DDO: variants seen among roughly 807,000 people sequenced by gnomAD.
The protein encoded by DDO is D-aspartate oxidase, DDO.
Under a neutral mutation model 16.8 loss-of-function variants are expected in DDO, and 16 were observed. The observed-to-expected ratio is 0.95, with a 90% CI of 0.65 to 1.45. DDO has a LOEUF of 1.45. Among genes scored for constraint, DDO ranks in the 40% most tolerant of loss-of-function variants. The pLI is 0.00. For missense variants in DDO, 429 were observed against 420.3 expected, an observed-to-expected ratio of 1.02 and a Z score of -0.18; for synonymous variants, 180 against 167.2, an observed-to-expected ratio of 1.08 and a Z score of -0.59.
chr6:110,400,346 G>GGGA (rs1244107952), intron 4 of DDO, among the ~76,000 whole-genome samples: 5 of 150,144 alleles, frequency 3.3e-5, no homozygotes, highest in Non-Finnish European at 5.9e-5. Flanking sequence ...AGCGGGCCGG[G>GGGA]GCGGGGACTG....
intron 4 of DDO, among the ~76,000 whole-genome samples, chr6:110,402,403 G>A (rs1582480504): frequency 6.6e-6 from 1 of 152,310 alleles, no homozygotes; most frequent in African/African-American, 2.4e-5. Flanking sequence ...GGTGGCTCAT[G>A]TCTGTAATCC....
Position 110,392,988 on chromosome 6 carries a change from G to A in DDO, c.813C>T (p.Ile271=). ...AGGGCCTCAAGCCCACCTTCTCCCT[G>A]ATGTTGCAGGCTCCGTGGAGGGAGG... ...LEPSLHGACN[I]REKVGLRPYR... The change falls in exon 5 of 5, where the codon ATC becomes ATT. Residue 271 remains isoleucine, a synonymous_variant. Transcript: ENST00000368924. The A allele has an allele frequency of 1.2e-6, 2 of 1,612,138 alleles. No individual in the cohort carries two copies. The highest frequency in any genetic ancestry group is 1.7e-6 in the Non-Finnish European group (2 of 1,178,300).
At chr6:110,413,917 G>T (rs536299169) in intron 1 of DDO, among the ~76,000 whole-genome samples, 35 of 152,214 alleles carry the variant, frequency 2.3e-4, no homozygotes, top group Non-Finnish European at 4.4e-5. Flanking sequence ...GGGATTACAG[G>T]TGCCCACCAC....
At chr6:110,407,096 T>C (rs887780457) in intron 3 of DDO, among the ~76,000 whole-genome samples, 6 of 152,170 alleles carry the variant, frequency 3.9e-5, no homozygotes, top group African/African-American at 1.2e-4. Context: ...TGAAGAATGC[T>C]GAATATGTTG....
At chr6:110,412,837 T>C (rs557608855) in intron 2 of DDO, among the ~76,000 whole-genome samples, 157 of 152,298 alleles carry the variant, frequency 1.0e-3, no homozygotes, top group African/African-American at 3.7e-3. Context: ...TCCTAAGAGA[T>C]GAACCAACAG....
In DDO at chr6:110,415,459, TC is replaced by T; in HGVS notation, c.-5+7del. The T allele has an allele frequency of 6.2e-7, 1 of 1,614,072 alleles. No homozygotes were observed. The highest frequency in any genetic ancestry group is 1.3e-5 in the African/African-American group (1 of 75,032). On this transcript the variant is annotated splice_region_variant and intron_variant, in intron 1 of 4. Coordinates refer to ENST00000368924, the MANE Select transcript of DDO (RefSeq NM_001372108.2). ...CGACCCCTCAGCTGAAAGCAAGAAT[TC>T]AAGTACCTGTCTCTGAAAAAGCAGT...
intron 4 of DDO, among the ~76,000 whole-genome samples, chr6:110,396,691 T>A (rs1310619839): frequency 6.6e-6 from 1 of 150,806 alleles, no homozygotes; most frequent in Non-Finnish European, 1.5e-5. Context: ...GGAGCTACTG[T>A]TTTGTTTGTT....
At chr6:110,412,181 G>C (rs188713870) in intron 2 of DDO, among the ~76,000 whole-genome samples, 1 of 152,010 alleles carries the variant, frequency 6.6e-6, no homozygotes, top group Non-Finnish European at 1.5e-5. Flanking sequence ...CAGAGGTGAA[G>C]GTTACAGTGA....
intron 4 of DDO, among the ~76,000 whole-genome samples, chr6:110,398,429 T>TACACACACACACACAAACACACCA (rs1222174948): frequency 2.1e-5 from 3 of 144,756 alleles, no homozygotes; most frequent in Non-Finnish European, 4.5e-5. Flanking sequence ...CACACACACT[T>TACACACACACACACAAACACACCA]GGCCTCCCAG....
At chr6:110,415,013 T>G (rs573149340) in intron 1 of DDO, among the ~76,000 whole-genome samples, 1 of 152,378 alleles carries the variant, frequency 6.6e-6, no homozygotes, top group South Asian at 2.1e-4. Context: ...AAGTTTAGTG[T>G]GATATTCCTA....
intron 4 of DDO, among the ~76,000 whole-genome samples, chr6:110,404,315 A>G (rs1051594699): frequency 6.6e-6 from 1 of 152,250 alleles, no homozygotes; most frequent in Non-Finnish European, 1.5e-5. Flanking sequence ...GACAAAAGGA[A>G]ATAATGAAAT....
intron 2 of DDO, among the ~76,000 whole-genome samples, chr6:110,409,335 A>T (rs1306786169): frequency 6.6e-6 from 1 of 152,204 alleles, no homozygotes; most frequent in Non-Finnish European, 1.5e-5. Context: ...CTGTAGAAGG[A>T]TCATGAGAGA....
chr6:110,388,774 G>A (rs1008526016), downstream of DDO: 5 of 982,200 alleles, frequency 5.1e-6, no homozygotes, highest in African/African-American at 8.7e-5. Flanking sequence ...ACACTTGAAA[G>A]CAGAGATTTA....
chr6:110,400,219 T>C (rs1483702129), intron 4 of DDO, among the ~76,000 whole-genome samples: 1 of 152,216 alleles, frequency 6.6e-6, no homozygotes, highest in Non-Finnish European at 1.5e-5. Context: ...GGCGATGCTT[T>C]GGAAGCAGGA....
intron 2 of DDO, 106 bp downstream of exon 2, chr6:110,413,185 A>T: frequency 7.7e-7 from 1 of 1,293,010 alleles, no homozygotes; most frequent in Non-Finnish European, 1.1e-6. Flanking sequence ...AAAAACCTGC[A>T]TATTACACTT....
chr6:110,390,680 C>A (rs917050063), downstream of DDO, among the ~76,000 whole-genome samples: 1 of 152,204 alleles, frequency 6.6e-6, no homozygotes, highest in Non-Finnish European at 1.5e-5. Context: ...CAAAGGAGTA[C>A]ACTTAAAGCT....
intron 4 of DDO, among the ~76,000 whole-genome samples, chr6:110,402,588 C>T (rs1410551170): frequency 1.3e-5 from 2 of 152,144 alleles, no homozygotes; most frequent in East Asian, 1.9e-4. Flanking sequence ...TCACTTGAAC[C>T]CGGGAGGTTG....
chr6:110,392,788 T>C lies in DDO; in HGVS notation c.1013A>G (p.Lys338Arg). The C allele has an allele frequency of 6.4e-7, 1 of 1,558,272 alleles. No homozygotes were observed. Residue 338 changes from lysine (K) to arginine (R), a missense_variant, in exon 5 of 5, where the codon AAG (lysine) becomes AGG (arginine). By Grantham distance (26) the Lys-to-Arg change is conservative (BLOSUM62 2). Transcript: ENST00000368924. ...ATTTTATGTCATCTACAGGTTTGACTTGGGAATGGGGGTCCTGAGGGCATG... is the reference window on the plus strand; with the variant it reads ...ATTTTATGTCATCTACAGGTTTGACCTGGGAATGGGGGTCCTGAGGGCATG... ...CVHALRTPIP[K>R]SNL
In DDO at chr6:110,392,361, C is replaced by A. The variant is rs1352795981; in HGVS notation, c.*414G>T. 1 of 988,228 alleles carries A rather than the reference C, an allele frequency of 1.0e-6. No homozygotes were observed. The highest frequency in any genetic ancestry group is 1.2e-6 in the Non-Finnish European group (1 of 832,094). 61.2% of individuals were successfully genotyped at this position (988,228 alleles called of 1,614,324 possible). On this transcript the variant is annotated 3_prime_UTR_variant, in exon 5 of 5. Transcript: ENST00000368924. ...TATAGCTTCCAACATTCATATAAAT[C>A]TGCATAGGTCCTTGGACATCAGTTC...
Sources: allele counts gnomAD v4.1 joint callset (sites outside exome capture counted in the v4.1 genomes callset), GRCh38; gene constraint gnomAD v4.1.1; transcripts MANE v1.5; gene names NCBI Gene and HGNC (gene_info 2026-07-23, HGNC 2026-07-21).